DNM3: variants seen among roughly 807,000 people sequenced by gnomAD.
The protein encoded by DNM3 is dynamin-3.
A neutral mutation model predicts 101.6 loss-of-function variants in DNM3; 47 were observed. That is an observed-to-expected ratio of 0.46 (90% CI 0.37 to 0.59). DNM3 has a LOEUF of 0.59. Ranked by LOEUF, DNM3 falls within the 20% of genes least tolerant of loss-of-function variation. DNM3 has a pLI of 0.00. For missense variants in DNM3, 849 were observed against 1,085.7 expected, an observed-to-expected ratio of 0.78 and a Z score of 3.06; for synonymous variants, 385 against 387.9, an observed-to-expected ratio of 0.99 and a Z score of 0.09.
At chr1:171,908,345 G>T (rs2038999264) in intron 1 of DNM3, among the ~76,000 whole-genome samples, 1 of 152,142 alleles carries the variant, frequency 6.6e-6, no homozygotes, top group Non-Finnish European at 1.5e-5. Context: ...ACTGCATTTT[G>T]CATATTCATG....
chr1:171,899,457 G>A (rs1450542420), intron 1 of DNM3, among the ~76,000 whole-genome samples: 1 of 152,148 alleles, frequency 6.6e-6, no homozygotes, highest in Non-Finnish European at 1.5e-5. Context: ...AGTAAAATAG[G>A]AAAGTAAGTA....
chr1:171,880,648 G>C (rs186673772), intron 1 of DNM3, among the ~76,000 whole-genome samples: 1 of 152,262 alleles, frequency 6.6e-6, no homozygotes, highest in Non-Finnish European at 1.5e-5. Context: ...CCCAAGGTTA[G>C]ATAGAAAACA....
chr1:172,225,266 G>A (rs993897945), intron 14 of DNM3, among the ~76,000 whole-genome samples: 1 of 148,740 alleles, frequency 6.7e-6, no homozygotes, highest in African/African-American at 2.5e-5. Context: ...AGCCTCCCGA[G>A]TAGCTGGGAT....
At chr1:172,048,253 A>G (rs1343032922) in intron 9 of DNM3, among the ~76,000 whole-genome samples, 1 of 152,218 alleles carries the variant, frequency 6.6e-6, no homozygotes, top group Non-Finnish European at 1.5e-5. Context: ...GATAAATTGT[A>G]TAATCTAGAA....
chr1:171,992,674 T>C (rs2045717077), intron 4 of DNM3, among the ~76,000 whole-genome samples: 1 of 152,080 alleles, frequency 6.6e-6, no homozygotes, highest in South Asian at 2.1e-4. Flanking sequence ...ATCCTATATA[T>C]GGTGGTCCCA....
intron 2 of DNM3, among the ~76,000 whole-genome samples, chr1:171,964,709 T>C (rs1038014851): frequency 6.6e-6 from 1 of 152,182 alleles, no homozygotes. Context: ...CATGGTATTC[T>C]ACCAAATAAT....
intron 14 of DNM3, among the ~76,000 whole-genome samples, chr1:172,247,409 A>G (rs1415108040): frequency 6.6e-6 from 1 of 152,160 alleles, no homozygotes; most frequent in Non-Finnish European, 1.5e-5. Flanking sequence ...GTGAAGCATA[A>G]GTACTCTCTG....
At chr1:172,418,283 G>A (rs778448125) in exon 21 of DNM3, 21 of 1,288,544 alleles carry the variant, frequency 1.6e-5, no homozygotes, top group Middle Eastern at 2.1e-4. Context: ...TTTACTAGGC[G>A]ACCCCCTCCT....
chr1:172,065,995 C>G (rs939677915), intron 10 of DNM3, among the ~76,000 whole-genome samples: 17 of 152,038 alleles, frequency 1.1e-4, no homozygotes, highest in Admixed American at 9.8e-4. Flanking sequence ...TGCTAAGACA[C>G]TAATATATGT....
At chr1:171,979,343 T>C (rs1420034738) in intron 2 of DNM3, among the ~76,000 whole-genome samples, 2 of 152,188 alleles carry the variant, frequency 1.3e-5, no homozygotes, top group African/African-American at 2.4e-5. Flanking sequence ...TAGGTAGATA[T>C]ACCCTAAAGA....
At chr1:172,154,781 A>C (rs765645697) in intron 14 of DNM3, among the ~76,000 whole-genome samples, 9 of 152,096 alleles carry the variant, frequency 5.9e-5, no homozygotes, top group Non-Finnish European at 1.3e-4. Flanking sequence ...TAGTAATACA[A>C]CTATGACATG....
chr1:172,386,277 C>T (rs2069174618), intron 18 of DNM3, among the ~76,000 whole-genome samples: 1 of 151,494 alleles, frequency 6.6e-6, no homozygotes, highest in Non-Finnish European at 1.5e-5. Context: ...TCTGAATAGT[C>T]AGCACATATG....
rs946258388 is a variant in DNM3 at position 172,175,570 on chromosome 1, A to G, written c.1659+44282A>G. ...TAGAAATCCCATATTCTTTGAAGCT[A>G]AGTAAGTGGTATAGATAATAAGTAC... On this transcript the variant is annotated intron_variant, in intron 14 of 20. Coordinates refer to ENST00000627582, the MANE Select transcript of DNM3 (RefSeq NM_015569.5). 4.0e-5 allele frequency among the ~76,000 whole-genome samples: 6 copies of G among 151,748 alleles called. No homozygotes were observed. In the Admixed American group the frequency reaches 4.0e-4, roughly 10 times the overall value.
At chr1:171,980,645 T>A (rs2044719797) in intron 2 of DNM3, among the ~76,000 whole-genome samples, 1 of 152,200 alleles carries the variant, frequency 6.6e-6, no homozygotes, top group South Asian at 2.1e-4. Flanking sequence ...ACCACTATTC[T>A]ACTCTCTAAT....
intron 14 of DNM3, among the ~76,000 whole-genome samples, chr1:172,159,289 C>T (rs6425662): frequency 0.032 from 4,817 of 152,040 alleles, 280 homozygotes; most frequent in African/African-American, 0.11. Context: ...CTTTGCCTCA[C>T]ACTTTTTAAA....
At chr1:172,064,737 C>T (rs932929240) in intron 10 of DNM3, among the ~76,000 whole-genome samples, 1 of 152,096 alleles carries the variant, frequency 6.6e-6, no homozygotes, top group African/African-American at 2.4e-5. Context: ...CTTATACTCC[C>T]ACAATCAGTT....
intron 2 of DNM3, among the ~76,000 whole-genome samples, chr1:171,948,725 T>A (rs1323481738): frequency 6.6e-6 from 1 of 152,160 alleles, no homozygotes; most frequent in Non-Finnish European, 1.5e-5. Context: ...TGAATGGTAA[T>A]CTGACCAAAA....
chr1:172,217,772 G>A (rs1378424967), intron 14 of DNM3, among the ~76,000 whole-genome samples: 1 of 152,094 alleles, frequency 6.6e-6, no homozygotes, highest in East Asian at 1.9e-4. Context: ...GAGAGGAATA[G>A]ACAAAACTTT....
At chr1:171,890,898 C>G (rs1279248883) in intron 1 of DNM3, among the ~76,000 whole-genome samples, 5 of 152,142 alleles carry the variant, frequency 3.3e-5, no homozygotes, top group African/African-American at 1.2e-4. Flanking sequence ...GAACTCCTGG[C>G]CTCAAGTAAT....
Sources: allele counts gnomAD v4.1 joint callset (sites outside exome capture counted in the v4.1 genomes callset), GRCh38; gene constraint gnomAD v4.1.1; transcripts MANE v1.5; gene names NCBI Gene and HGNC (gene_info 2026-07-23, HGNC 2026-07-21).